MOB4: variants seen among roughly 807,000 people sequenced by gnomAD.
MOB4 encodes MOB family member 4, phocein.
In MOB4, 4 loss-of-function variants were observed where a neutral mutation model predicts 32.2. That is an observed-to-expected ratio of 0.12 (90% CI 0.06 to 0.28). MOB4 has a LOEUF of 0.28. Ranked by LOEUF, MOB4 falls within the 10% of genes least tolerant of loss-of-function variation. The pLI is 1.00. For synonymous variants in MOB4, 88 were observed against 88.1 expected, an observed-to-expected ratio of 1.00 and a Z score of 0.01; for missense variants, 158 against 271.2, an observed-to-expected ratio of 0.58 and a Z score of 2.93.
At chr2:197,524,530 CAAAAAAA>C (rs58552334) in intron 2 of MOB4, among the ~76,000 whole-genome samples, 3 of 108,964 alleles carry the variant, frequency 2.8e-5, no homozygotes, top group East Asian at 5.5e-4. Flanking sequence ...GACTCTGTCT[CAAAAAAA>C]AAAAAAAAAA....
intron 1 of MOB4, 197 bp downstream of exon 1, chr2:197,516,343 C>G: frequency 7.0e-7 from 1 of 1,425,266 alleles, no homozygotes; most frequent in Non-Finnish European, 9.2e-7. Flanking sequence ...GCCTGCGGAG[C>G]TCCGACCCAG....
intron 1 of MOB4, among the ~76,000 whole-genome samples, chr2:197,517,868 G>T (rs1455089978): frequency 2.6e-5 from 4 of 152,234 alleles, no homozygotes; most frequent in East Asian, 1.9e-4. Flanking sequence ...GGCTGGGTGC[G>T]GTGGCTCACG....
intron 1 of MOB4, among the ~76,000 whole-genome samples, chr2:197,522,406 C>T (rs1383726746): frequency 6.8e-6 from 1 of 146,344 alleles, no homozygotes; most frequent in African/African-American, 2.6e-5. Flanking sequence ...TCTTGAGTCA[C>T]CACAGCTTCC....
intron 2 of MOB4, among the ~76,000 whole-genome samples, chr2:197,530,996 A>G (rs1415091767): frequency 1.3e-5 from 2 of 151,694 alleles, no homozygotes; most frequent in Non-Finnish European, 2.9e-5. Context: ...AATTGTGGCA[A>G]TATATATGAG....
At chr2:197,516,222 G>A (rs1018835732) in intron 1 of MOB4, 76 bp downstream of exon 1, 7 of 1,537,594 alleles carry the variant, frequency 4.6e-6, no homozygotes, top group African/African-American at 2.8e-5. Context: ...CCGCCACTGC[G>A]GGGAGGTTGG....
intron 5 of MOB4, among the ~76,000 whole-genome samples, chr2:197,544,032 G>A (rs184233349): frequency 1.3e-5 from 2 of 150,968 alleles, no homozygotes; most frequent in African/African-American, 4.9e-5. Context: ...GAGCCACTGC[G>A]CCCAGCCGAG....
At position 197,519,140 on chromosome 2, in the gene MOB4, C is replaced by A. The variant is rs187245201; in HGVS notation, c.60+2994C>A. ...CGAACTCCTGACCTCAAGTGATCTTCCCGCCTCAGCCTCCCAAAGTGCTGG... is the reference window on the plus strand; with the variant it reads ...CGAACTCCTGACCTCAAGTGATCTTACCGCCTCAGCCTCCCAAAGTGCTGG... On this transcript the variant is annotated intron_variant, in intron 1 of 7. Transcript: ENST00000323303. Among the ~76,000 whole-genome samples the A allele has an allele frequency of 4.3e-3, 652 of 152,084 alleles. 3 individuals carry two copies. The highest frequency in any genetic ancestry group is 0.015 in the African/African-American group (627 of 41,498).
rs2086989299 is a variant in MOB4 at position 197,546,163 on chromosome 2, GCCATTCTCCTGCCTCAGCCT to G, written c.355-2170_355-2151del. On this transcript the variant is annotated intron_variant, in intron 5 of 7. Coordinates refer to ENST00000323303, the MANE Select transcript of MOB4 (RefSeq NM_015387.5). ...TGCAAGCTCCGCCTCCCGGGTTCTT[GCCATTCTCCTGCCTCAGCCT>G]CCTGAGTAGCTGGGACTACAGGTGC... Among the ~76,000 whole-genome samples the G allele has an allele frequency of 2.0e-5, 3 of 152,034 alleles. No individual in the cohort carries two copies. In the South Asian group the frequency reaches 6.2e-4, roughly 32 times the overall value.
In MOB4 at chr2:197,551,576, G is replaced by A. The variant is rs900428194; in HGVS notation, c.*930G>A. The A allele has an allele frequency of 2.6e-5, 4 of 152,664 alleles. No individual in the cohort carries two copies. The highest frequency in any genetic ancestry group is 9.7e-5 in the African/African-American group (4 of 41,414). 9.5% of individuals were successfully genotyped at this position (152,664 alleles called of 1,614,324 possible). A position where few individuals can be genotyped will look rare whatever the true frequency, so the allele number is the denominator to read the frequency against. On this transcript the variant is annotated 3_prime_UTR_variant, in exon 8 of 8. Coordinates refer to ENST00000323303, the MANE Select transcript of MOB4 (RefSeq NM_015387.5). ...TACTTAGAAAACAGTCCTTAAAATA[G>A]TTTGACTCTTCCTGTTAGTAATATA... is the stretch of plus-strand genomic sequence containing the variant.
chr2:197,547,101 C>A (rs147603323), intron 5 of MOB4, among the ~76,000 whole-genome samples: 9 of 151,936 alleles, frequency 5.9e-5, no homozygotes, highest in Non-Finnish European at 1.2e-4. Flanking sequence ...TAAAGAAAAT[C>A]GTAAGGAAGA....
chr2:197,520,928 T>C (rs918014790), intron 1 of MOB4, among the ~76,000 whole-genome samples: 1 of 130,170 alleles, frequency 7.7e-6, no homozygotes, highest in Non-Finnish European at 1.7e-5. Flanking sequence ...GAAGAAGAAA[T>C]AAAAATATTC....
At chr2:197,538,952 G>C (rs2086849538) in intron 3 of MOB4, among the ~76,000 whole-genome samples, 1 of 152,176 alleles carries the variant, frequency 6.6e-6, no homozygotes, top group African/African-American at 2.4e-5. Context: ...CTGAAAATTT[G>C]ACCCTTGCCT....
intron 3 of MOB4, among the ~76,000 whole-genome samples, chr2:197,539,474 A>G (rs1025552200): frequency 1.3e-4 from 19 of 151,990 alleles, no homozygotes; most frequent in Non-Finnish European, 2.6e-4. Flanking sequence ...ACCCGCTATT[A>G]TGCCCGGCTA....
upstream of MOB4, chr2:197,515,700 C>T (rs1465653535): frequency 4.5e-5 from 10 of 222,078 alleles, no homozygotes; most frequent in Non-Finnish European, 8.1e-5. Context: ...TTTACTGAAA[C>T]GGTCGCCACT....
At chr2:197,540,554 T>C (rs2106128732) in intron 5 of MOB4, 117 bp downstream of exon 5, 1 of 993,246 alleles carries the variant, frequency 1.0e-6, no homozygotes. Context: ...CTATTTCATT[T>C]TGAGTTGCTT....
Position 197,540,170 on chromosome 2 carries a change from G to T in MOB4, c.267+17G>T. The T allele has an allele frequency of 6.2e-7, 1 of 1,600,556 alleles. No individual in the cohort carries two copies. Among genetic ancestry groups the T allele is most frequent in the Non-Finnish European group, 8.5e-7 (1 of 1,173,488 alleles). On this transcript the variant is annotated intron_variant, in intron 4 of 7. Transcript: ENST00000323303. ...AAACTTCAGGTAATATTTTCTTTAA[G>T]TCAAAGTTATAATTGAAAGTTCTGA...
chr2:197,516,682 C>T (rs528855018), intron 1 of MOB4: 50 of 471,612 alleles, frequency 1.1e-4, no homozygotes, highest in Admixed American at 4.0e-4. Context: ...CCTTTGACCA[C>T]CTCTCCCTGC....
chr2:197,518,076 G>A (rs1173016212), intron 1 of MOB4, among the ~76,000 whole-genome samples: 2 of 151,814 alleles, frequency 1.3e-5, no homozygotes, highest in Non-Finnish European at 2.9e-5. Flanking sequence ...GGGAGGCGGA[G>A]GTTGCAGTGA....
chr2:197,526,201 T>C (rs1409125923), intron 2 of MOB4, among the ~76,000 whole-genome samples: 1 of 152,224 alleles, frequency 6.6e-6, no homozygotes, highest in African/African-American at 2.4e-5. Flanking sequence ...TATATTGAAG[T>C]TGTTTCCTTT....
Sources: allele counts gnomAD v4.1 joint callset (sites outside exome capture counted in the v4.1 genomes callset), GRCh38; gene constraint gnomAD v4.1.1; transcripts MANE v1.5; gene names NCBI Gene and HGNC (gene_info 2026-07-23, HGNC 2026-07-21).